Variants in SLC9A7 observed in about 807,000 individuals in gnomAD.
The protein encoded by SLC9A7 is sodium/hydrogen exchanger 7.
SLC9A7 carries 19 observed loss-of-function variants against 52.6 expected under a neutral mutation model. That is an observed-to-expected ratio of 0.36 (90% CI 0.25 to 0.53). SLC9A7 has a LOEUF of 0.53. SLC9A7 is among the 20% of genes least tolerant of loss of function. The pLI is 0.91. For missense variants in SLC9A7, 455 were observed against 597.9 expected (o/e 0.76, Z 2.49); for synonymous variants, 226 against 252.1 (o/e 0.90, Z 0.98).
chrX:46,687,130 G>T (rs1481042921), intron 1 of SLC9A7, among the ~76,000 whole-genome samples: 1 of 112,437 alleles, frequency 8.9e-6, no homozygotes, highest in East Asian at 2.8e-4. Context: ...GGCTGAGGCT[G>T]TTGGGAGGAG....
In SLC9A7 at chrX:46,758,901, G is replaced by A; in HGVS notation, c.129C>T (p.Ser43=). The A allele has an allele frequency of 8.5e-7, 1 of 1,174,810 alleles. No homozygotes were observed. Among genetic ancestry groups the A allele is most frequent in the South Asian group, 1.9e-5 (1 of 52,280 alleles). ...TGCTGTCCTCCGCCGCCGCCCCAGAGGAGGAGGCCGAGGCCGCGGCCGCGA... is the reference window on the plus strand; with the variant it reads ...TGCTGTCCTCCGCCGCCGCCCCAGAAGAGGAGGCCGAGGCCGCGGCCGCGA... The part of the protein sequence containing the change: ...LRVAAAASAS[S]SGAAAEDSSA... The change falls in exon 1 of 17, where the codon TCC becomes TCT. Residue 43 remains serine, a synonymous_variant. Coordinates refer to ENST00000616978, the MANE Select transcript of SLC9A7 (RefSeq NM_001257291.2).
rs1231344707 is a variant in SLC9A7, at chrX:46,600,068, AC to A, written c.*6883del. On this transcript the variant is annotated 3_prime_UTR_variant, in exon 17 of 17. Transcript: ENST00000616978. Reference sequence around the variant, plus strand: ...GGAGCTGGCCCTACTATGAAGTCACACTTTGAACGATCAATTTCAGTGGTAA... The same window carrying A: ...GGAGCTGGCCCTACTATGAAGTCACATTTGAACGATCAATTTCAGTGGTAA... The A allele has an allele frequency of 1.8e-5, 2 of 112,061 alleles. No homozygotes were observed. The highest frequency in any genetic ancestry group is 6.5e-5 in the African/African-American group (2 of 30,803). The allele number at this position is 112,061 out of a possible 1,213,427, so 9.2% of individuals were successfully genotyped here. A position where few individuals can be genotyped will look rare whatever the true frequency, so the allele number is the denominator to read the frequency against.
At chrX:46,637,365 T>C (rs1441204540) in intron 12 of SLC9A7, among the ~76,000 whole-genome samples, 1 of 112,458 alleles carries the variant, frequency 8.9e-6, no homozygotes, top group Non-Finnish European at 1.9e-5. Context: ...TTTTAAAATA[T>C]CCAGTTGCAA....
intron 1 of SLC9A7, among the ~76,000 whole-genome samples, chrX:46,742,365 C>CT (rs1186223624): frequency 1.8e-5 from 2 of 110,294 alleles, no homozygotes; most frequent in Non-Finnish European, 3.8e-5. Context: ...CGAAACAAGC[C>CT]TAGTGTTCTT....
intron 1 of SLC9A7, chrX:46,684,798 G>T: frequency 7.5e-6 from 1 of 133,592 alleles, no homozygotes; most frequent in Non-Finnish European, 1.5e-5. Context: ...CTAGCTGTCA[G>T]TCTCTTTGCC....
chrX:46,676,827 T>C (rs1216005420), intron 3 of SLC9A7, among the ~76,000 whole-genome samples: 5 of 111,591 alleles, frequency 4.5e-5, no homozygotes, highest in African/African-American at 1.6e-4. Flanking sequence ...GTCTTTTTTG[T>C]ACAGAAAACC....
At chrX:46,741,337 GAA>G (rs770974694) in intron 1 of SLC9A7, among the ~76,000 whole-genome samples, 3 of 111,795 alleles carry the variant, frequency 2.7e-5, no homozygotes, top group Non-Finnish European at 5.7e-5. Context: ...ACAATTTTGA[GAA>G]AGAGTAAGGT....
chrX:46,632,969 G>A (rs1490487067), intron 13 of SLC9A7, among the ~76,000 whole-genome samples: 1 of 109,788 alleles, frequency 9.1e-6, no homozygotes, highest in African/African-American at 3.3e-5. Context: ...CATACTAACT[G>A]GCACTCTATG....
chrX:46,659,951 G>A (rs768698447), intron 7 of SLC9A7, among the ~76,000 whole-genome samples: 2 of 110,541 alleles, frequency 1.8e-5, no homozygotes, highest in East Asian at 2.8e-4. Flanking sequence ...GAGGCATCAC[G>A]CTACCTGACT....
chrX:46,671,492 A>G (rs1395658175), intron 4 of SLC9A7, among the ~76,000 whole-genome samples: 10 of 108,549 alleles, frequency 9.2e-5, no homozygotes, highest in Non-Finnish European at 1.7e-4. Context: ...GATGGTCTCG[A>G]TCTCCAGACC....
At chrX:46,696,891 A>G (rs1944456579) in intron 1 of SLC9A7, among the ~76,000 whole-genome samples, 1 of 112,116 alleles carries the variant, frequency 8.9e-6, no homozygotes, top group Non-Finnish European at 1.9e-5. Flanking sequence ...GACTTTGCCC[A>G]AGGTTACACA....
Position 46,657,827 on chromosome X carries a change from A to C in SLC9A7, c.1042-4113T>G, listed in dbSNP as rs1221273155. ...AGACAGATCAATGAGACAGAAAGTC[A>C]ACAAGGATACCCAGGAATTGAACTC... On this transcript the variant is annotated intron_variant, in intron 7 of 16. Coordinates refer to ENST00000616978, the MANE Select transcript of SLC9A7 (RefSeq NM_001257291.2). Among the ~76,000 whole-genome samples, 3 of 107,976 alleles carry C rather than the reference A, an allele frequency of 2.8e-5. No individual in the cohort carries two copies. In the Admixed American group the frequency reaches 3.0e-4, roughly 11 times the overall value. 93.8% of individuals were successfully genotyped at this position (107,976 alleles called of 115,157 possible).
chrX:46,732,905 T>A (rs1441051841), intron 1 of SLC9A7, among the ~76,000 whole-genome samples: 1 of 112,080 alleles, frequency 8.9e-6, no homozygotes, highest in Non-Finnish European at 1.9e-5. Flanking sequence ...GAATGAGGAA[T>A]ACCTCTTCGT....
At chrX:46,671,368 C>T (rs1439917700) in intron 4 of SLC9A7, among the ~76,000 whole-genome samples, 4 of 110,573 alleles carry the variant, frequency 3.6e-5, no homozygotes. Flanking sequence ...TCATGCTATT[C>T]TCCTGCCTCA....
chrX:46,693,022 C>A (rs191759230), intron 1 of SLC9A7, among the ~76,000 whole-genome samples: 1 of 111,182 alleles, frequency 9.0e-6, no homozygotes, highest in Non-Finnish European at 1.9e-5. Flanking sequence ...TACAAATACT[C>A]GTTCTGTGAA....
At chrX:46,668,357 A>C (rs1425691916) in intron 5 of SLC9A7, among the ~76,000 whole-genome samples, 1 of 111,170 alleles carries the variant, frequency 9.0e-6, no homozygotes, top group Non-Finnish European at 1.9e-5. Flanking sequence ...TAAAAATACA[A>C]AAAAATTAGC....
chrX:46,691,796 C>T (rs946291048), intron 1 of SLC9A7, among the ~76,000 whole-genome samples: 5 of 111,192 alleles, frequency 4.5e-5, no homozygotes, highest in Admixed American at 3.8e-4. Flanking sequence ...AGCAAAGGCA[C>T]AGGACACCAT....
At position 46,613,357 on chromosome X, in the gene SLC9A7, G is replaced by T; in HGVS notation, c.1861C>A (p.Leu621Ile). 8.3e-7 allele frequency: 1 copy of T among 1,206,664 alleles called. No homozygotes were observed. Among genetic ancestry groups the T allele is most frequent in the Non-Finnish European group, 1.1e-6 (1 of 892,483 alleles). The change falls in exon 16 of 17, where the codon CTA becomes ATA. Residue 621 changes from leucine (L) to isoleucine (I), a missense_variant. Around this residue, in one of 3 missense-constraint regions of SLC9A7, gnomAD observed 146 missense variants for 160.5 expected, o/e 0.91. Transcript: ENST00000616978. ...CACCAGGCGGGGAGCGTGGTGGTTA[G>T]TGGGGGACCACTGTGTGTGAGGATG... ...KPILTHSGPP[L>I]TTTLPAWCGL...
chrX:46,721,956 G>A (rs1944867793), intron 1 of SLC9A7, among the ~76,000 whole-genome samples: 1 of 112,198 alleles, frequency 8.9e-6, no homozygotes, highest in South Asian at 3.7e-4. Context: ...TTCATGGTAT[G>A]AACTATTAAA....
Sources: gnomAD v4.1 joint callset for allele counts (sites outside exome capture counted in the v4.1 genomes callset) on GRCh38, gnomAD v4.1.1 for gene constraint, gnomAD v4.1.1 regional missense constraint, MANE v1.5 for transcripts, NCBI Gene and HGNC (gene_info 2026-07-23, HGNC 2026-07-21) for gene names.